Variants in GABRA3 observed in about 807,000 individuals in gnomAD.
GABRA3 encodes the protein gamma-aminobutyric acid type A receptor subunit alpha3.
In GABRA3, 10 loss-of-function variants were observed where a neutral mutation model predicts 30.1. That is an observed-to-expected ratio of 0.33 (90% CI 0.20 to 0.56). The LOEUF is 0.56. Among genes scored for constraint, GABRA3 ranks in the 20% least tolerant of loss-of-function variants. GABRA3 has a pLI of 0.89. For synonymous variants in GABRA3, 151 were observed against 146.8 expected (o/e 1.03, Z -0.21); for missense variants, 233 against 392.0 (o/e 0.59, Z 3.42).
chrX:152,329,073 T>A lies in GABRA3; in HGVS notation c.262+16508A>T, dbSNP rs184476933. Among the ~76,000 whole-genome samples the A allele has an allele frequency of 3.5e-4, 39 of 111,729 alleles. 1 individual carries two copies. Among genetic ancestry groups the A allele is most frequent in the African/African-American group, 1.2e-3 (38 of 30,737 alleles). ...CACCAATAACGGACAGAGAGCCACATCATGAGTGAACTCCCATTCACAATT... is the reference window on the plus strand; with the variant it reads ...CACCAATAACGGACAGAGAGCCACAACATGAGTGAACTCCCATTCACAATT... On this transcript the variant is annotated intron_variant, in intron 3 of 9. Coordinates refer to ENST00000370314, the MANE Select transcript of GABRA3 (RefSeq NM_000808.4).
chrX:152,284,124 T>C (rs773727798), intron 4 of GABRA3, among the ~76,000 whole-genome samples: 1 of 111,690 alleles, frequency 9.0e-6, no homozygotes, highest in Admixed American at 9.6e-5. Flanking sequence ...CTCTATATTT[T>C]GAGTCTGCAA....
At chrX:152,195,563 T>C (rs1483635010) in intron 8 of GABRA3, among the ~76,000 whole-genome samples, 3 of 112,038 alleles carry the variant, frequency 2.7e-5, no homozygotes, top group African/African-American at 9.7e-5. Context: ...GAATAATCTA[T>C]TACCTTTTTC....
Position 152,374,989 on chromosome X carries a change from T to C in GABRA3, c.-26-10393A>G, listed in dbSNP as rs186994168. Among the ~76,000 whole-genome samples, 540 of 111,481 alleles carry C rather than the reference T, an allele frequency of 4.8e-3. 1 individual carries two copies. The highest frequency in any genetic ancestry group is 0.017 in the African/African-American group (524 of 30,639). ...TTCCTGAGTTCTCTTTTCTGTTCCA[T>C]TGGTCGATGTGTCTGTTCTTGTGCC... On this transcript the variant is annotated intron_variant, in intron 1 of 9. Coordinates refer to ENST00000370314, the MANE Select transcript of GABRA3 (RefSeq NM_000808.4).
intron 3 of GABRA3, among the ~76,000 whole-genome samples, chrX:152,304,610 T>C (rs1194189922): frequency 8.9e-6 from 1 of 111,801 alleles, no homozygotes; most frequent in Non-Finnish European, 1.9e-5. Flanking sequence ...TGGTTGTAGG[T>C]GTGAGGCTTT....
chrX:152,187,690 C>T (rs1408468525), intron 9 of GABRA3, among the ~76,000 whole-genome samples: 1 of 111,273 alleles, frequency 9.0e-6, no homozygotes, highest in Admixed American at 9.6e-5. Flanking sequence ...ACAAGTGATG[C>T]TCAAACTACT....
chrX:152,205,227 A>G (rs1412145138), intron 7 of GABRA3, among the ~76,000 whole-genome samples: 1 of 111,798 alleles, frequency 8.9e-6, no homozygotes, highest in African/African-American at 3.3e-5. Flanking sequence ...CTGTGTTGGC[A>G]AGAGTGAGGG....
At chrX:152,261,689 C>T (rs1938732204) in intron 4 of GABRA3, among the ~76,000 whole-genome samples, 1 of 112,267 alleles carries the variant, frequency 8.9e-6, no homozygotes, top group Non-Finnish European at 1.9e-5. Flanking sequence ...CAGGGTACAG[C>T]CCCCCTCCCA....
chrX:152,274,928 CAG>C lies in GABRA3; in HGVS notation c.330+9738_330+9739del, dbSNP rs1286192927. On this transcript the variant is annotated intron_variant, in intron 4 of 9. Coordinates refer to ENST00000370314, the MANE Select transcript of GABRA3 (RefSeq NM_000808.4). ...GATAAGTTTAATTGAGAAAACGAGA[CAG>C]GGAGAATTGTTATGGGTAGGGGTAA... Among the ~76,000 whole-genome samples the C allele has an allele frequency of 7.0e-4, 73 of 104,397 alleles. No homozygotes were observed. In the South Asian group the frequency reaches 7.3e-3, roughly 10 times the overall value. 90.7% of individuals were successfully genotyped at this position (104,397 alleles called of 115,157 possible).
At chrX:152,190,895 A>G (rs1347215604) in intron 8 of GABRA3, among the ~76,000 whole-genome samples, 1 of 108,512 alleles carries the variant, frequency 9.2e-6, no homozygotes, top group Non-Finnish European at 1.9e-5. Flanking sequence ...TATAATATAA[A>G]ATTGTGATTA....
chrX:152,282,142 A>G lies in GABRA3; in HGVS notation c.330+2526T>C, dbSNP rs185798247. ...AAATATTATGGGTGGTGGTGTGTCA[A>G]TGTTCAAAGTGGCAGCGTAATTTTC... On this transcript the variant is annotated intron_variant, in intron 4 of 9. Transcript: ENST00000370314. Among the ~76,000 whole-genome samples, 403 of 112,019 alleles carry G rather than the reference A, an allele frequency of 3.6e-3. 1 individual carries two copies. Among genetic ancestry groups the G allele is most frequent in the African/African-American group, 0.012 (382 of 30,865 alleles).
chrX:152,277,636 T>C (rs1166596986), intron 4 of GABRA3, among the ~76,000 whole-genome samples: 1 of 111,960 alleles, frequency 8.9e-6, no homozygotes, highest in Non-Finnish European at 1.9e-5. Context: ...ATCAATTCCT[T>C]CCTTGCAAAT....
intron 2 of GABRA3, among the ~76,000 whole-genome samples, chrX:152,360,699 A>AAAAAAAAAAAATTAAAAAAAAAAAATT (rs1569407604): frequency 4.6e-5 from 4 of 87,272 alleles, no homozygotes; most frequent in African/African-American, 4.5e-5. Context: ...GAGTATAATA[A>AAAAAAAAAAAATTAAAAAAAAAAAATT]AAAAAAAAAA....
At chrX:152,328,183 G>A (rs969319507) in intron 3 of GABRA3, among the ~76,000 whole-genome samples, 2 of 111,288 alleles carry the variant, frequency 1.8e-5, no homozygotes, top group African/African-American at 6.5e-5. Flanking sequence ...CCAATAACAG[G>A]CTCTGAAATT....
chrX:152,261,271 G>T (rs1938724219), intron 4 of GABRA3, among the ~76,000 whole-genome samples: 1 of 111,170 alleles, frequency 9.0e-6, no homozygotes. Context: ...TCCACTCCTG[G>T]TGCCTCCCAA....
At chrX:152,251,074 GCCTATGTCTC>G in intron 5 of GABRA3, 1 of 316,937 alleles carries the variant, frequency 3.2e-6, no homozygotes, top group South Asian at 3.0e-5. Flanking sequence ...TCCATTTTGA[GCCTATGTCTC>G]CCTCCAGGCC....
In GABRA3 at chrX:152,372,048, C is replaced by G. The variant is rs1928855256; in HGVS notation, c.-26-7452G>C. The stretch of plus-strand genomic sequence containing the variant: ...ACCACTTCTCAATACTTTCATTGCC[C>G]CTTAGCTGTTCAAAACCACCCCCAT... On this transcript the variant is annotated intron_variant, in intron 1 of 9. Transcript: ENST00000370314. Among the ~76,000 whole-genome samples, 5 of 111,217 alleles carry G rather than the reference C, an allele frequency of 4.5e-5. No homozygotes were observed. In the South Asian group the frequency reaches 1.9e-3, roughly 42 times the overall value.
At chrX:152,182,627 T>C (rs1169216541) in intron 9 of GABRA3, among the ~76,000 whole-genome samples, 2 of 53,844 alleles carry the variant, frequency 3.7e-5, no homozygotes, top group East Asian at 1.1e-3. Flanking sequence ...ATATAGTATA[T>C]ATACACTATA....
chrX:152,325,482 C>T (rs938977824), intron 3 of GABRA3, among the ~76,000 whole-genome samples: 1 of 111,477 alleles, frequency 9.0e-6, no homozygotes, highest in African/African-American at 3.3e-5. Flanking sequence ...AGCCAGGTGC[C>T]CCTCTGAGAC....
At chrX:152,298,484 T>C (rs1411073660) in intron 3 of GABRA3, among the ~76,000 whole-genome samples, 1 of 108,965 alleles carries the variant, frequency 9.2e-6, no homozygotes, top group Non-Finnish European at 1.9e-5. Context: ...GTTTGGTTTT[T>C]TGTCCTTGCG....
Sources: gnomAD v4.1 joint callset for allele counts (sites outside exome capture counted in the v4.1 genomes callset) on GRCh38, gnomAD v4.1.1 for gene constraint, MANE v1.5 for transcripts, NCBI Gene and HGNC (gene_info 2026-07-23, HGNC 2026-07-21) for gene names.